SMAP1: variants seen among roughly 807,000 people sequenced by gnomAD.
SMAP1 encodes the protein small ArfGAP 1, also known as stromal membrane-associated protein 1.
A neutral mutation model predicts 58.5 loss-of-function variants in SMAP1; 24 were observed. The ratio of observed to expected loss-of-function variants is 0.41; its 90% CI spans 0.30 to 0.58. The LOEUF is 0.58. SMAP1 is among the 20% of genes least tolerant of loss of function. SMAP1 has a pLI of 0.29. For synonymous variants in SMAP1, 216 were observed against 196.6 expected (o/e 1.10, Z -0.82); for missense variants, 563 against 566.3 (o/e 0.99, Z 0.06).
At position 70,681,536 on chromosome 6, in the gene SMAP1, A is replaced by G. The variant is rs1312011894; in HGVS notation, c.118+13395A>G. Reference sequence around the variant, plus strand: ...TCAATTCTTTTATTTGAATTTTTGTAACATATACACTCCTAAAGTTATTTT... The same window carrying G: ...TCAATTCTTTTATTTGAATTTTTGTGACATATACACTCCTAAAGTTATTTT... On this transcript the variant is annotated intron_variant, in intron 1 of 10. Coordinates refer to ENST00000370455, the MANE Select transcript of SMAP1 (RefSeq NM_001044305.3). Among the ~76,000 whole-genome samples the G allele has an allele frequency of 5.9e-5, 9 of 152,240 alleles. 1 individual carries two copies. In the South Asian group the frequency reaches 1.2e-3, roughly 21 times the overall value.
At chr6:70,753,546 G>A (rs563286084) in intron 2 of SMAP1, among the ~76,000 whole-genome samples, 4 of 151,956 alleles carry the variant, frequency 2.6e-5, no homozygotes, top group Admixed American at 2.0e-4. Flanking sequence ...ACATTTTTTC[G>A]ATTTTCAGGA....
intron 1 of SMAP1, among the ~76,000 whole-genome samples, chr6:70,698,379 C>A (rs1084388): frequency 0.43 from 65,980 of 151,784 alleles, 14,702 homozygotes; most frequent in South Asian, 0.5. Context: ...TCGAGGTAGT[C>A]TTATTTCGGT....
chr6:70,726,874 G>GGTGTGTGT (rs35977042), intron 1 of SMAP1, among the ~76,000 whole-genome samples: 34 of 144,806 alleles, frequency 2.3e-4, no homozygotes, highest in Non-Finnish European at 4.1e-4. Context: ...AAATTTTAGG[G>GGTGTGTGT]GTGTGTGTGT....
At chr6:70,672,493 C>T (rs1234057995) in intron 1 of SMAP1, among the ~76,000 whole-genome samples, 2 of 152,152 alleles carry the variant, frequency 1.3e-5, no homozygotes, top group Admixed American at 1.3e-4. Context: ...AGACAACACC[C>T]TGAATCTTTT....
chr6:70,706,778 G>A (rs1201942463), intron 1 of SMAP1, among the ~76,000 whole-genome samples: 3 of 152,140 alleles, frequency 2.0e-5, no homozygotes, highest in Non-Finnish European at 4.4e-5. Context: ...TTTGTGTTAT[G>A]TGTATTGTTA....
chr6:70,670,474 GGT>G (rs1766217401), intron 1 of SMAP1, among the ~76,000 whole-genome samples: 1 of 152,146 alleles, frequency 6.6e-6, no homozygotes, highest in African/African-American at 2.4e-5. Flanking sequence ...TATTTGGTAA[GGT>G]TGAAGTACAT....
Position 70,768,515 on chromosome 6 carries a change from T to C in SMAP1, c.339-4835T>C, listed in dbSNP as rs150886126. On this transcript the variant is annotated intron_variant, in intron 3 of 10. Coordinates refer to ENST00000370455, the MANE Select transcript of SMAP1 (RefSeq NM_001044305.3). The stretch of plus-strand genomic sequence containing the variant: ...TGTCGAGGAATTTATCCATTTCTTC[T>C]AGATTATCCAGTTTATTTGCGTAGA... Among the ~76,000 whole-genome samples, 188 of 152,366 alleles carry C rather than the reference T, an allele frequency of 1.2e-3. 1 individual carries two copies. Among genetic ancestry groups the C allele is most frequent in the African/African-American group, 4.3e-3 (180 of 41,568 alleles).
intron 6 of SMAP1, among the ~76,000 whole-genome samples, chr6:70,822,490 T>C (rs1769932875): frequency 6.6e-6 from 1 of 152,168 alleles, no homozygotes; most frequent in Non-Finnish European, 1.5e-5. Context: ...ACCAATATGC[T>C]ATATGGCTTT....
At chr6:70,785,112 C>G (rs1024601886) in intron 4 of SMAP1, among the ~76,000 whole-genome samples, 2 of 152,244 alleles carry the variant, frequency 1.3e-5, no homozygotes, top group African/African-American at 4.8e-5. Flanking sequence ...TCTCTCAGAC[C>G]ACAGTGCAAT....
chr6:70,678,136 G>T (rs563585192), intron 1 of SMAP1, among the ~76,000 whole-genome samples: 2 of 152,312 alleles, frequency 1.3e-5, no homozygotes, highest in South Asian at 4.1e-4. Flanking sequence ...AGGACCTTGA[G>T]GGTCCGAAGG....
At chr6:70,698,346 T>C (rs948829907) in intron 1 of SMAP1, among the ~76,000 whole-genome samples, 3 of 152,198 alleles carry the variant, frequency 2.0e-5, no homozygotes, top group African/African-American at 7.2e-5. Flanking sequence ...CTTTGACATT[T>C]AGGAATTTGG....
At chr6:70,744,237 A>G (rs1450387120) in intron 2 of SMAP1, among the ~76,000 whole-genome samples, 1 of 151,302 alleles carries the variant, frequency 6.6e-6, no homozygotes, top group Non-Finnish European at 1.5e-5. Flanking sequence ...GGTTTGTTAC[A>G]CAGGTATACA....
At chr6:70,771,025 G>T (rs1012131837) in intron 3 of SMAP1, among the ~76,000 whole-genome samples, 7 of 152,170 alleles carry the variant, frequency 4.6e-5, no homozygotes, top group African/African-American at 1.7e-4. Flanking sequence ...TCCAGACCCT[G>T]TTTGCCTGGG....
intron 7 of SMAP1, among the ~76,000 whole-genome samples, chr6:70,847,297 C>T (rs1055673920): frequency 1.3e-5 from 2 of 152,092 alleles, no homozygotes; most frequent in African/African-American, 4.8e-5. Flanking sequence ...TGAAGTGGGC[C>T]AGTGAATGCA....
At chr6:70,760,884 GGCTGCATGTCCTA>G (rs1239585832) in intron 3 of SMAP1, among the ~76,000 whole-genome samples, 1 of 152,056 alleles carries the variant, frequency 6.6e-6, no homozygotes, top group African/African-American at 2.4e-5. Flanking sequence ...GTTAATTATA[GGCTGCATGTCCTA>G]GTGCATGACA....
chr6:70,703,809 G>C (rs567168728), intron 1 of SMAP1, among the ~76,000 whole-genome samples: 2 of 152,256 alleles, frequency 1.3e-5, no homozygotes, highest in Admixed American at 1.3e-4. Context: ...CTTAGTCTCT[G>C]TGAACTCCTA....
chr6:70,719,889 A>C (rs1013234009), intron 1 of SMAP1, among the ~76,000 whole-genome samples: 5 of 152,160 alleles, frequency 3.3e-5, no homozygotes, highest in Non-Finnish European at 7.4e-5. Context: ...TGGCAGATAC[A>C]ATTCAAGTTG....
chr6:70,755,387 A>G (rs1034558102), intron 3 of SMAP1, among the ~76,000 whole-genome samples: 2 of 152,020 alleles, frequency 1.3e-5, no homozygotes, highest in African/African-American at 4.8e-5. Flanking sequence ...TTTGGTAGAA[A>G]CTGTACTTTG....
chr6:70,734,694 A>G (rs1274894368), intron 2 of SMAP1: 1 of 152,432 alleles, frequency 6.6e-6, no homozygotes, highest in Non-Finnish European at 1.5e-5. Flanking sequence ...TGCTGTCAGT[A>G]TAGTGACTTG....
Sources: gnomAD v4.1 joint callset for allele counts (sites outside exome capture counted in the v4.1 genomes callset) on GRCh38, gnomAD v4.1.1 for gene constraint, MANE v1.5 for transcripts, NCBI Gene and HGNC (gene_info 2026-07-23, HGNC 2026-07-21) for gene names.